Variants in ACYP2 observed in about 807,000 individuals in gnomAD.
ACYP2 encodes acylphosphatase-2.
Under a neutral mutation model 11.2 loss-of-function variants are expected in ACYP2, and 12 were observed. The ratio of observed to expected loss-of-function variants is 1.08; its 90% CI spans 0.69 to 1.74. ACYP2 has a LOEUF of 1.74. Ranked by LOEUF, ACYP2 falls within the 40% of genes most tolerant of loss-of-function variation. ACYP2 has a pLI of 0.00. For missense variants in ACYP2, 134 were observed against 101.9 expected (o/e 1.31, Z -1.35); for synonymous variants, 43 against 32.2 (o/e 1.33, Z -1.13).
chr2:54,170,585 TCA>T (rs1683184272), intron 6 of ACYP2, among the ~76,000 whole-genome samples: 2 of 150,560 alleles, frequency 1.3e-5, no homozygotes, highest in Admixed American at 6.6e-5. Context: ...TTTTTTAAAA[TCA>T]CAGAATAGAC....
intron 6 of ACYP2, among the ~76,000 whole-genome samples, chr2:54,227,294 T>C (rs1686049395): frequency 6.6e-6 from 1 of 152,206 alleles, no homozygotes; most frequent in Non-Finnish European, 1.5e-5. Flanking sequence ...TTTAAGAGTT[T>C]GAAGTCAATA....
intron 6 of ACYP2, among the ~76,000 whole-genome samples, chr2:54,161,108 A>T (rs1187989593): frequency 6.6e-6 from 1 of 152,190 alleles, no homozygotes; most frequent in African/African-American, 2.4e-5. Flanking sequence ...TGAGTTCATA[A>T]GCCCTCCAGG....
At chr2:53,990,165 G>C (rs755440410) in intron 2 of ACYP2, among the ~76,000 whole-genome samples, 17 of 151,572 alleles carry the variant, frequency 1.1e-4, no homozygotes, top group Non-Finnish European at 2.1e-4. Flanking sequence ...TTTTAGTAGA[G>C]GCAAGGTTTC....
chr2:54,249,026 A>C (rs1687085432), intron 6 of ACYP2, among the ~76,000 whole-genome samples: 1 of 152,056 alleles, frequency 6.6e-6, no homozygotes, highest in Non-Finnish European at 1.5e-5. Flanking sequence ...GTTCCATGTG[A>C]GTGGACTCTG....
chr2:54,191,902 G>A (rs1011028642), intron 6 of ACYP2, among the ~76,000 whole-genome samples: 1 of 152,100 alleles, frequency 6.6e-6, no homozygotes, highest in African/African-American at 2.4e-5. Context: ...CCTATTATCT[G>A]TCCACCCACA....
At chr2:53,995,632 T>C (rs909046188) in intron 2 of ACYP2, among the ~76,000 whole-genome samples, 7 of 151,812 alleles carry the variant, frequency 4.6e-5, no homozygotes, top group Non-Finnish European at 1.0e-4. Flanking sequence ...TTTTTATTTT[T>C]AGTAGAGACA....
intron 6 of ACYP2, chr2:54,255,479 G>C (rs1364242848): frequency 1.2e-6 from 2 of 1,614,008 alleles, no homozygotes; most frequent in Non-Finnish European, 1.7e-6. Flanking sequence ...CGCTCCACCT[G>C]CAGGAGCGCC....
chr2:54,034,746 C>A (rs940668989), intron 2 of ACYP2, among the ~76,000 whole-genome samples: 4 of 152,184 alleles, frequency 2.6e-5, no homozygotes, highest in East Asian at 3.9e-4. Context: ...CACGGTGGCT[C>A]ACGCCTGTAA....
intron 6 of ACYP2, among the ~76,000 whole-genome samples, chr2:54,155,678 G>C (rs1682398360): frequency 6.6e-6 from 1 of 152,068 alleles, no homozygotes; most frequent in South Asian, 2.1e-4. Context: ...CACCAAACTG[G>C]TCCCTGGTGC....
chr2:54,077,356 T>A (rs1168074316), intron 4 of ACYP2, among the ~76,000 whole-genome samples: 1 of 151,876 alleles, frequency 6.6e-6, no homozygotes, highest in Non-Finnish European at 1.5e-5. Context: ...AAGGGCAAAC[T>A]TGTTGTTGTT....
At chr2:53,984,955 T>C (rs1212193289) in intron 2 of ACYP2, among the ~76,000 whole-genome samples, 1 of 152,016 alleles carries the variant, frequency 6.6e-6, no homozygotes. Flanking sequence ...AGCCAACACA[T>C]TAAACTCAAG....
intron 6 of ACYP2, among the ~76,000 whole-genome samples, chr2:54,215,548 G>C (rs1685522906): frequency 6.6e-6 from 1 of 152,098 alleles, no homozygotes; most frequent in Non-Finnish European, 1.5e-5. Flanking sequence ...TAAATCAAAA[G>C]AAAAATACTT....
At position 54,145,906 on chromosome 2, in the gene ACYP2, G is replaced by A. The variant is rs572777530; in HGVS notation, c.404+7158G>A. On this transcript the variant is annotated intron_variant, in intron 6 of 6. Coordinates refer to ENST00000607452, the MANE Select transcript of ACYP2 (RefSeq NM_001320586.2). ...GAGGCCTGTCTTCCAGTCTGGGTCTGGGTTTGCTACACAACTGTCACTCTG... is the reference window on the plus strand; with the variant it reads ...GAGGCCTGTCTTCCAGTCTGGGTCTAGGTTTGCTACACAACTGTCACTCTG... 6.6e-5 allele frequency among the ~76,000 whole-genome samples: 10 copies of A among 152,304 alleles called. No individual in the cohort carries two copies. The South Asian group carries it at 2.1e-3, about 32-fold the overall frequency.
Position 54,191,844 on chromosome 2 carries a change from G to A in ACYP2, c.404+53096G>A, listed in dbSNP as rs190412968. ...CTTCTTAGCATGGATCAATATGTAA[G>A]CATACGCTTGTTATTAGACAGATAA... On this transcript the variant is annotated intron_variant, in intron 6 of 6. Coordinates refer to ENST00000607452, the MANE Select transcript of ACYP2 (RefSeq NM_001320586.2). 1.9e-3 allele frequency among the ~76,000 whole-genome samples: 290 copies of A among 152,118 alleles called. 1 individual carries two copies. The highest frequency in any genetic ancestry group is 5.4e-3 in the African/African-American group (225 of 41,502).
At chr2:54,076,211 T>C (rs1009400378) in intron 4 of ACYP2, among the ~76,000 whole-genome samples, 1 of 152,214 alleles carries the variant, frequency 6.6e-6, no homozygotes, top group African/African-American at 2.4e-5. Flanking sequence ...GCCAAACTGA[T>C]AACACCAGAG....
At chr2:54,127,447 C>A (rs1381482232) in intron 4 of ACYP2, among the ~76,000 whole-genome samples, 3 of 152,042 alleles carry the variant, frequency 2.0e-5, no homozygotes, top group Admixed American at 2.0e-4. Flanking sequence ...CCATTAAAAG[C>A]TGGGCTGGGC....
At chr2:54,220,471 G>T (rs114895896) in intron 6 of ACYP2, among the ~76,000 whole-genome samples, 1,834 of 152,162 alleles carry the variant, frequency 0.012, 38 homozygotes, top group African/African-American at 0.042. Flanking sequence ...AATATATTTT[G>T]TAGTTTCTTT....
Position 54,051,535 on chromosome 2 carries a change from A to C in ACYP2, c.155+485A>C, listed in dbSNP as rs531817663. ...TTCTGTTCTGTTCTGAGAATTGCCC[A>C]AAAATAAAAGGAGATCATCTTGGCC... On this transcript the variant is annotated intron_variant, in intron 3 of 6. Transcript: ENST00000607452. The C allele has an allele frequency of 5.0e-4, 368 of 730,766 alleles. 5 individuals are homozygous for C. In the South Asian group the frequency reaches 5.1e-3, roughly 10 times the overall value. The allele number at this position is 730,766 out of a possible 1,614,324, so 45.3% of individuals were successfully genotyped here.
intron 2 of ACYP2, among the ~76,000 whole-genome samples, chr2:53,995,738 C>T (rs1301754972): frequency 6.6e-6 from 1 of 152,004 alleles, no homozygotes; most frequent in Non-Finnish European, 1.5e-5. Flanking sequence ...CAGGTGTGAG[C>T]CAGCTCGCCT....
Sources: gnomAD v4.1 joint callset for allele counts (sites outside exome capture counted in the v4.1 genomes callset) on GRCh38, gnomAD v4.1.1 for gene constraint, MANE v1.5 for transcripts, NCBI Gene and HGNC (gene_info 2026-07-23, HGNC 2026-07-21) for gene names.